The following CNTN4 variants were observed in gnomAD, a reference collection of about 807,000 sequenced individuals.
CNTN4 encodes the protein contactin 4.
CNTN4 carries 77 observed loss-of-function variants against 122.5 expected under a neutral mutation model. The observed-to-expected ratio is 0.63, with a 90% CI of 0.52 to 0.76. CNTN4 has a LOEUF of 0.76. Ranked by LOEUF, CNTN4 falls within the 30% of genes least tolerant of loss-of-function variation. The probability of loss-of-function intolerance (pLI) is 0.00; values close to 1 mark genes in which losing one functional copy is unlikely to be tolerated. For synonymous variants in CNTN4, 512 were observed against 447.0 expected (o/e 1.15, Z -1.83); for missense variants, 1,256 against 1,259.1 (o/e 1.00, Z 0.04).
chr3:2,263,934 G>A (rs919395253), intron 2 of CNTN4, among the ~76,000 whole-genome samples: 1 of 150,218 alleles, frequency 6.7e-6, no homozygotes, highest in African/African-American at 2.4e-5. Flanking sequence ...TTGAGCAAAT[G>A]ACAGAATTTC....
intron 4 of CNTN4, among the ~76,000 whole-genome samples, chr3:2,722,367 T>C (rs1486905857): frequency 1.6e-4 from 25 of 152,172 alleles, no homozygotes; most frequent in Admixed American, 1.6e-3. Flanking sequence ...GAATGAAAGA[T>C]GTTAATCCAT....
chr3:2,216,976 A>T (rs1034431558), intron 2 of CNTN4, among the ~76,000 whole-genome samples: 11 of 152,092 alleles, frequency 7.2e-5, no homozygotes, highest in African/African-American at 2.7e-4. Flanking sequence ...AAATAACTAG[A>T]CTTCTCTTTT....
intron 3 of CNTN4, among the ~76,000 whole-genome samples, chr3:2,547,916 G>T (rs573462524): frequency 2.0e-4 from 30 of 152,052 alleles, no homozygotes; most frequent in Admixed American, 5.3e-4. Context: ...ACTGAAGAAG[G>T]CAAAAAGGAA....
chr3:2,230,480 G>A lies in CNTN4; in HGVS notation c.-144-108698G>A, dbSNP rs2039443247. 1.3e-5 allele frequency among the ~76,000 whole-genome samples: 2 copies of A among 152,140 alleles called. 1 individual carries two copies. The highest frequency in any genetic ancestry group is 4.1e-4 in the South Asian group (2 of 4,824). On this transcript the variant is annotated intron_variant, in intron 2 of 24. Coordinates refer to ENST00000418658, the MANE Select transcript of CNTN4 (RefSeq NM_175607.3). ...CGTGCTGGGCATTGCCTCAATTTGA[G>A]AGGGGAAAATTTGGACCCACATAAT...
chr3:2,745,387 T>C, intron 5 of CNTN4, 135 bp from the exon 6 acceptor site: 1 of 757,674 alleles, frequency 1.3e-6, no homozygotes, highest in South Asian at 1.7e-5. Context: ...AGAGCATTTC[T>C]AACTTCTTAA....
intron 14 of CNTN4, among the ~76,000 whole-genome samples, chr3:3,014,584 G>A (rs79698628): frequency 1.0e-3 from 156 of 152,020 alleles, no homozygotes; most frequent in Non-Finnish European, 1.9e-3. Context: ...CACTTGGTGT[G>A]AATGTCATTT....
intron 4 of CNTN4, among the ~76,000 whole-genome samples, chr3:2,725,782 G>C (rs940617503): frequency 6.6e-6 from 1 of 152,134 alleles, no homozygotes; most frequent in African/African-American, 2.4e-5. Context: ...CATTGCTGAA[G>C]ACCAGTCTTA....
At chr3:2,155,987 G>A (rs984700278) in intron 2 of CNTN4, among the ~76,000 whole-genome samples, 8 of 152,132 alleles carry the variant, frequency 5.3e-5, no homozygotes, top group African/African-American at 1.9e-4. Context: ...AGATGAGGGG[G>A]TGGTTAGCTC....
chr3:3,055,880 C>T (rs1004379849), intron 24 of CNTN4, among the ~76,000 whole-genome samples: 2 of 152,196 alleles, frequency 1.3e-5, no homozygotes, highest in Non-Finnish European at 2.9e-5. Context: ...TTTCTTCTCA[C>T]ATTAGATAGG....
chr3:2,215,616 T>G (rs1039019553), intron 2 of CNTN4, among the ~76,000 whole-genome samples: 1 of 151,932 alleles, frequency 6.6e-6, no homozygotes, highest in African/African-American at 2.4e-5. Context: ...GGCGCAGTGG[T>G]TCACGCCTGT....
intron 3 of CNTN4, among the ~76,000 whole-genome samples, chr3:2,546,203 A>C (rs2149329048): frequency 6.6e-6 from 1 of 152,164 alleles, no homozygotes; most frequent in South Asian, 2.1e-4. Context: ...TTCTGCCCTA[A>C]ATACACATTC....
chr3:2,887,765 G>A (rs1008569684), intron 10 of CNTN4, among the ~76,000 whole-genome samples: 3 of 152,082 alleles, frequency 2.0e-5, no homozygotes, highest in Non-Finnish European at 2.9e-5. Context: ...ATGTGCAGCT[G>A]CTCCTATTCC....
At chr3:2,106,602 A>C (rs1030790683) in intron 2 of CNTN4, among the ~76,000 whole-genome samples, 1 of 152,160 alleles carries the variant, frequency 6.6e-6, no homozygotes, top group East Asian at 1.9e-4. Context: ...TAGGCTGTAC[A>C]CAGCAGGGAG....
intron 3 of CNTN4, among the ~76,000 whole-genome samples, chr3:2,471,087 A>C (rs1328042368): frequency 6.6e-6 from 1 of 152,218 alleles, no homozygotes; most frequent in East Asian, 1.9e-4. Context: ...AATTCATAGG[A>C]GGGACCAATC....
intron 4 of CNTN4, among the ~76,000 whole-genome samples, chr3:2,712,615 T>C (rs1197139613): frequency 6.6e-6 from 1 of 152,224 alleles, no homozygotes; most frequent in East Asian, 1.9e-4. Flanking sequence ...TGTCCTGGCA[T>C]ATGATTTCTA....
intron 4 of CNTN4, among the ~76,000 whole-genome samples, chr3:2,616,034 T>TTA (rs397954178): frequency 1.3e-5 from 2 of 151,706 alleles, no homozygotes; most frequent in Admixed American, 1.3e-4. Context: ...TTTTTTTTTT[T>TTA]AACATTAAGT....
intron 8 of CNTN4, among the ~76,000 whole-genome samples, chr3:2,878,563 G>C (rs1033331029): frequency 1.5e-3 from 222 of 150,296 alleles, no homozygotes; most frequent in African/African-American, 4.7e-3. Context: ...CTGTGTGTGT[G>C]TGTGTGTGTG....
At chr3:2,373,409 G>A (rs1049230462) in intron 3 of CNTN4, among the ~76,000 whole-genome samples, 5 of 152,322 alleles carry the variant, frequency 3.3e-5, no homozygotes, top group South Asian at 2.1e-4. Flanking sequence ...AATCGAGTAC[G>A]TACAACTGTG....
intron 2 of CNTN4, among the ~76,000 whole-genome samples, chr3:2,121,743 T>G (rs1401202701): frequency 6.6e-6 from 1 of 152,138 alleles, no homozygotes. Context: ...CCATATAATT[T>G]GAAAGAAAAA....
Sources: allele counts gnomAD v4.1 joint callset (sites outside exome capture counted in the v4.1 genomes callset), GRCh38; gene constraint gnomAD v4.1.1; transcripts MANE v1.5; gene names NCBI Gene and HGNC (gene_info 2026-07-23, HGNC 2026-07-21).